The following STS variants were observed in gnomAD, a reference collection of about 807,000 sequenced individuals.
STS encodes steroid sulfatase.
A neutral mutation model predicts 26.8 loss-of-function variants in STS; 7 were observed. The observed-to-expected ratio is 0.26, with a 90% CI of 0.15 to 0.49. STS has a LOEUF of 0.49. Ranked by LOEUF, STS falls within the 20% of genes least tolerant of loss-of-function variation. The pLI is 0.98. For synonymous variants in STS, 199 were observed against 189.4 expected, an observed-to-expected ratio of 1.05 and a Z score of -0.42; for missense variants, 434 against 465.6, an observed-to-expected ratio of 0.93 and a Z score of 0.63.
rs779671044 is a variant in STS, at chrX:7,234,842, GT to G, written c.-4-18346del. Among the ~76,000 whole-genome samples, 74 of 111,516 alleles carry G rather than the reference GT, an allele frequency of 6.6e-4. No homozygotes were observed. In the South Asian group the frequency reaches 0.017, roughly 26 times the overall value. ...AGTTTCAATATATGTTTCTAGACGT[GT>G]TTTTTTTCTTACAAAATCCTTCTAT... On this transcript the variant is annotated intron_variant, in intron 2 of 10. Transcript: ENST00000674429.
In STS at chrX:7,348,015, C is replaced by T. The variant is rs1476297066; in HGVS notation, c.1364-1873C>T. Among the ~76,000 whole-genome samples, 4 of 112,042 alleles carry T rather than the reference C, an allele frequency of 3.6e-5. No homozygotes were observed. The East Asian group carries it at 1.1e-3, about 31-fold the overall frequency. On this transcript the variant is annotated intron_variant, in intron 10 of 10. Transcript: ENST00000674429. ...CTGGCGTGTCTGTGTGTCAGCTTGACCTTATCTTTCTGAAGCAGGTGCACT... is the reference window on the plus strand; with the variant it reads ...CTGGCGTGTCTGTGTGTCAGCTTGATCTTATCTTTCTGAAGCAGGTGCACT...
intron 2 of STS, among the ~76,000 whole-genome samples, chrX:7,231,675 G>A (rs1160192314): frequency 1.8e-5 from 2 of 111,093 alleles, no homozygotes; most frequent in African/African-American, 6.6e-5. Context: ...TGCAACCTTG[G>A]CATTATCGGT....
intron 2 of STS, among the ~76,000 whole-genome samples, chrX:7,208,753 A>T (rs1920969614): frequency 1.8e-5 from 2 of 111,796 alleles, no homozygotes; most frequent in Non-Finnish European, 3.8e-5. Flanking sequence ...ACTATGTAAA[A>T]CAATATAACC....
intron 9 of STS, among the ~76,000 whole-genome samples, chrX:7,327,469 C>A (rs1387449192): frequency 7.5e-5 from 8 of 107,264 alleles, no homozygotes; most frequent in African/African-American, 2.4e-4. Flanking sequence ...CTGCAACCTG[C>A]GACTCCCAAG....
At position 7,173,516 on chromosome X, in the gene STS, A is replaced by C. The variant is rs755771703; in HGVS notation, c.-133-17364A>C. On this transcript the variant is annotated intron_variant, in intron 1 of 10. Transcript: ENST00000674429. ...TTCTAAATCTTTGAGGAATCACCAC[A>C]CTGTCTTCCACAATGATTGAACTAA... Among the ~76,000 whole-genome samples, 5 of 112,232 alleles carry C rather than the reference A, an allele frequency of 4.5e-5. No homozygotes were observed. In the South Asian group the frequency reaches 1.9e-3, roughly 42 times the overall value.
intron 10 of STS, among the ~76,000 whole-genome samples, chrX:7,342,295 G>C (rs749244308): frequency 8.9e-6 from 1 of 111,844 alleles, no homozygotes; most frequent in Admixed American, 9.5e-5. Context: ...GTGACTTCCA[G>C]CTGGGAATTC....
chrX:7,255,232 AAG>A (rs1166676636), intron 3 of STS, among the ~76,000 whole-genome samples: 1 of 112,157 alleles, frequency 8.9e-6, no homozygotes, highest in Non-Finnish European at 1.9e-5. Context: ...CTGCAATTTT[AAG>A]AGAGCACTTT....
intron 8 of STS, among the ~76,000 whole-genome samples, chrX:7,323,921 C>G (rs1323224541): frequency 9.0e-6 from 1 of 110,792 alleles, no homozygotes; most frequent in African/African-American, 3.3e-5. Flanking sequence ...GATTACACCC[C>G]TCCACTTCTC....
intron 8 of STS, among the ~76,000 whole-genome samples, chrX:7,322,029 G>A (rs1339738224): frequency 8.9e-6 from 1 of 112,465 alleles, no homozygotes; most frequent in East Asian, 2.8e-4. Flanking sequence ...CTGAAGGTTT[G>A]CTAAAAATCA....
intron 6 of STS, among the ~76,000 whole-genome samples, chrX:7,266,473 C>T (rs1016881768): frequency 8.1e-5 from 9 of 111,581 alleles, no homozygotes; most frequent in African/African-American, 1.3e-4. Context: ...TTGAGGAGAG[C>T]GATGATTTAG....
chrX:7,277,016 G>A (rs1924571145), intron 7 of STS, among the ~76,000 whole-genome samples: 1 of 111,667 alleles, frequency 9.0e-6, no homozygotes, highest in African/African-American at 3.3e-5. Flanking sequence ...ACAGCTAAGG[G>A]GTTGGCTGGC....
chrX:7,205,041 G>A (rs1268122485), intron 2 of STS, among the ~76,000 whole-genome samples: 1 of 111,730 alleles, frequency 9.0e-6, no homozygotes, highest in African/African-American at 3.3e-5. Context: ...GCCTGTTGTT[G>A]TACACACACT....
chrX:7,337,269 T>C (rs998177659), intron 10 of STS, among the ~76,000 whole-genome samples: 49 of 112,313 alleles, frequency 4.4e-4, no homozygotes, highest in African/African-American at 1.5e-3. Flanking sequence ...GTGGAACATA[T>C]CGTCTTAGCG....
chrX:7,259,212 C>T, intron 5 of STS, 137 bp from the exon 6 acceptor site: 2 of 629,375 alleles, frequency 3.2e-6, no homozygotes, highest in Non-Finnish European at 5.1e-6. Flanking sequence ...GTGAAAAATT[C>T]TAGGGTCCTA....
intron 1 of STS, among the ~76,000 whole-genome samples, chrX:7,174,922 A>G (rs1468699442): frequency 9.0e-6 from 1 of 111,166 alleles, no homozygotes; most frequent in Non-Finnish European, 1.9e-5. Context: ...TGATCTCATC[A>G]GGCCCACATC....
At chrX:7,223,101 G>A (rs766070866) in intron 2 of STS, among the ~76,000 whole-genome samples, 8 of 111,933 alleles carry the variant, frequency 7.1e-5, no homozygotes, top group Non-Finnish European at 1.5e-4. Flanking sequence ...TGACTGAGAA[G>A]TATTCCACGG....
intron 7 of STS, among the ~76,000 whole-genome samples, chrX:7,282,905 T>G (rs1302616769): frequency 8.9e-6 from 1 of 112,004 alleles, no homozygotes; most frequent in African/African-American, 3.2e-5. Flanking sequence ...TGGATGAGAT[T>G]GTTCTGCAAG....
chrX:7,160,292 C>T (rs1386762906), intron 1 of STS, among the ~76,000 whole-genome samples: 1 of 112,220 alleles, frequency 8.9e-6, no homozygotes, highest in African/African-American at 3.2e-5. Flanking sequence ...TTTAAATTCT[C>T]TTCTGTGGGA....
intron 2 of STS, among the ~76,000 whole-genome samples, chrX:7,206,704 G>A (rs1920952281): frequency 8.9e-6 from 1 of 111,775 alleles, no homozygotes; most frequent in Non-Finnish European, 1.9e-5. Flanking sequence ...GCAGGTATCT[G>A]TATGCATAAA....
Sources: gnomAD v4.1 joint callset for allele counts (sites outside exome capture counted in the v4.1 genomes callset) on GRCh38, gnomAD v4.1.1 for gene constraint, MANE v1.5 for transcripts, NCBI Gene and HGNC (gene_info 2026-07-23, HGNC 2026-07-21) for gene names.